IMMP2L: variants seen among roughly 807,000 people sequenced by gnomAD.
IMMP2L encodes the protein mitochondrial inner membrane protease subunit 2.
A neutral mutation model predicts 19.3 loss-of-function variants in IMMP2L; 18 were observed. That is an observed-to-expected ratio of 0.93 (90% confidence interval 0.64 to 1.38). IMMP2L has a LOEUF of 1.38. IMMP2L is among the 40% of genes most tolerant of loss of function. IMMP2L has a pLI of 0.00. For missense variants in IMMP2L, 233 were observed against 218.2 expected, an observed-to-expected ratio of 1.07 and a Z score of -0.43; for synonymous variants, 76 against 73.0, an observed-to-expected ratio of 1.04 and a Z score of -0.21.
At position 110,991,130 on chromosome 7, in the gene IMMP2L, A is replaced by G. The variant is rs550376576; in HGVS notation, c.240-27565T>C. On this transcript the variant is annotated intron_variant, in intron 3 of 5. Transcript: ENST00000405709. Reference sequence around the variant, plus strand: ...CCACATCATTTAGGATGATCAATGCAAAGTCTACAGAAGATTAATAAATGA... The same window carrying G: ...CCACATCATTTAGGATGATCAATGCGAAGTCTACAGAAGATTAATAAATGA... 6.4e-4 allele frequency among the ~76,000 whole-genome samples: 97 copies of G among 152,292 alleles called. 1 individual carries two copies. The highest frequency in any genetic ancestry group is 2.3e-3 in the African/African-American group (95 of 41,566).
intron 3 of IMMP2L, among the ~76,000 whole-genome samples, chr7:111,375,812 C>A (rs1369481734): frequency 1.3e-4 from 20 of 152,072 alleles, no homozygotes; most frequent in Admixed American, 1.3e-3. Context: ...GCATGAGCCA[C>A]CAGGCCCGGC....
intron 3 of IMMP2L, among the ~76,000 whole-genome samples, chr7:111,147,913 G>C (rs1355910186): frequency 1.3e-5 from 2 of 152,072 alleles, no homozygotes; most frequent in African/African-American, 4.8e-5. Flanking sequence ...AGCTTTCTAT[G>C]CTTTTAAATT....
At chr7:111,499,455 T>A (rs994259413) in intron 2 of IMMP2L, among the ~76,000 whole-genome samples, 1 of 152,140 alleles carries the variant, frequency 6.6e-6, no homozygotes, top group Non-Finnish European at 1.5e-5. Flanking sequence ...ATCCGTTAAT[T>A]CATGATATGC....
chr7:111,396,864 C>G lies in IMMP2L; in HGVS notation c.239+90374G>C, dbSNP rs149085293. ...CTTTGGGAGGCCGAGGAGGGCGGAT[C>G]ACAAGGTCAGGAGATTGAGACCATC... is the stretch of plus-strand genomic sequence containing the variant. On this transcript the variant is annotated intron_variant, in intron 3 of 5. Coordinates refer to ENST00000405709, the MANE Select transcript of IMMP2L (RefSeq NM_032549.4). Among the ~76,000 whole-genome samples the G allele has an allele frequency of 1.5e-3, 230 of 152,130 alleles. 2 individuals are homozygous for G. Among genetic ancestry groups the G allele is most frequent in the African/African-American group, 5.3e-3 (219 of 41,526 alleles).
intron 3 of IMMP2L, among the ~76,000 whole-genome samples, chr7:111,311,197 G>T (rs913501655): frequency 6.6e-6 from 1 of 151,918 alleles, no homozygotes; most frequent in Non-Finnish European, 1.5e-5. Flanking sequence ...AAGCATTGAA[G>T]AACTGGACAA....
At chr7:110,971,156 T>C (rs151126141) in intron 3 of IMMP2L, among the ~76,000 whole-genome samples, 1 of 152,196 alleles carries the variant, frequency 6.6e-6, no homozygotes, top group East Asian at 1.9e-4. Flanking sequence ...TGTAGCCACC[T>C]GGAGAATGTT....
At chr7:110,987,990 A>G (rs973776904) in intron 3 of IMMP2L, among the ~76,000 whole-genome samples, 2 of 152,188 alleles carry the variant, frequency 1.3e-5, no homozygotes, top group African/African-American at 4.8e-5. Flanking sequence ...AGAATGTTAG[A>G]AAAACAAATG....
At chr7:111,226,298 C>T (rs1813090133) in intron 3 of IMMP2L, among the ~76,000 whole-genome samples, 1 of 151,994 alleles carries the variant, frequency 6.6e-6, no homozygotes, top group Admixed American at 6.6e-5. Context: ...GGACTACAGC[C>T]ATGTGCCACC....
chr7:110,680,519 A>G (rs770607976), intron 5 of IMMP2L, among the ~76,000 whole-genome samples: 1 of 152,160 alleles, frequency 6.6e-6, no homozygotes, highest in African/African-American at 2.4e-5. Context: ...TAAACCCGAG[A>G]AAAACTGACT....
chr7:110,920,774 T>A (rs1814188080), intron 4 of IMMP2L, among the ~76,000 whole-genome samples: 1 of 152,178 alleles, frequency 6.6e-6, no homozygotes, highest in African/African-American at 2.4e-5. Context: ...CTGGCAGGAA[T>A]TTTTTAAAAC....
chr7:111,422,471 C>G (rs1349880866), intron 3 of IMMP2L, among the ~76,000 whole-genome samples: 2 of 151,748 alleles, frequency 1.3e-5, no homozygotes, highest in African/African-American at 4.9e-5. Flanking sequence ...GTATTTTACT[C>G]TCTTTGTAGC....
intron 3 of IMMP2L, among the ~76,000 whole-genome samples, chr7:111,359,651 T>C (rs548556272): frequency 1.4e-4 from 21 of 152,080 alleles, no homozygotes; most frequent in African/African-American, 4.8e-4. Context: ...TAGCCACCTA[T>C]AAAATGAGCA....
intron 3 of IMMP2L, among the ~76,000 whole-genome samples, chr7:110,967,661 C>CT (rs1214696879): frequency 2.0e-5 from 3 of 151,870 alleles, no homozygotes; most frequent in Non-Finnish European, 4.4e-5. Flanking sequence ...AAATCTAATG[C>CT]TTTATTATTG....
At chr7:110,770,649 A>T (rs142603567) in intron 5 of IMMP2L, among the ~76,000 whole-genome samples, 12 of 152,194 alleles carry the variant, frequency 7.9e-5, no homozygotes, top group Non-Finnish European at 1.3e-4. Flanking sequence ...GCAGATCTGC[A>T]TCTTCACAGG....
intron 3 of IMMP2L, among the ~76,000 whole-genome samples, chr7:110,982,771 C>T (rs908125272): frequency 2.6e-5 from 4 of 152,094 alleles, no homozygotes; most frequent in African/African-American, 4.8e-5. Context: ...CTTTCAACTA[C>T]AACAAATGGA....
chr7:110,913,073 C>T (rs1394533166), intron 4 of IMMP2L, among the ~76,000 whole-genome samples: 1 of 152,082 alleles, frequency 6.6e-6, no homozygotes, highest in East Asian at 1.9e-4. Context: ...AGTTTCCATG[C>T]TTTGTTGTCA....
At chr7:111,516,035 C>T (rs117748291) in intron 2 of IMMP2L, among the ~76,000 whole-genome samples, 99 of 152,168 alleles carry the variant, frequency 6.5e-4, no homozygotes, top group Non-Finnish European at 1.2e-3. Context: ...TGGTTCAAGC[C>T]AGAGTTCCAA....
At chr7:110,672,914 T>G (rs1792022087) in intron 5 of IMMP2L, among the ~76,000 whole-genome samples, 3 of 152,264 alleles carry the variant, frequency 2.0e-5, no homozygotes, top group South Asian at 4.1e-4. Context: ...AGGTGCACAA[T>G]GCAAGCTGTC....
In IMMP2L at chr7:111,123,415, C is replaced by G; in HGVS notation, c.240-159850G>C. On this transcript the variant is annotated intron_variant, in intron 3 of 5. Coordinates refer to ENST00000405709, the MANE Select transcript of IMMP2L (RefSeq NM_032549.4). This position sits in a 1 kb window ranked among gnomAD's most constrained non-coding sequence, Gnocchi z 6.4. ...GAACTTTAAGCCTCTTATCAATCTTCGCAGCCTGGTTATAGCTGGTATAAA... is the reference window on the plus strand; with the variant it reads ...GAACTTTAAGCCTCTTATCAATCTTGGCAGCCTGGTTATAGCTGGTATAAA... 6.2e-7 allele frequency: 1 copy of G among 1,613,626 alleles called. No homozygotes were observed. Among genetic ancestry groups the G allele is most frequent in the Non-Finnish European group, 8.5e-7 (1 of 1,179,854 alleles).
Sources: gnomAD v4.1 joint callset for allele counts (sites outside exome capture counted in the v4.1 genomes callset) on GRCh38, gnomAD v4.1.1 for gene constraint, Gnocchi (gnomAD v3.1) non-coding constraint, MANE v1.5 for transcripts, NCBI Gene and HGNC (gene_info 2026-07-23, HGNC 2026-07-21) for gene names.